UHRF1: variants seen among roughly 807,000 people sequenced by gnomAD.
UHRF1 encodes ubiquitin like with PHD and ring finger domains 1.
A neutral mutation model predicts 96.5 loss-of-function variants in UHRF1; 9 were observed. That is an observed-to-expected ratio of 0.09 (90% confidence interval 0.06 to 0.16). The LOEUF is 0.16. Ranked by LOEUF, UHRF1 falls within the 10% of genes least tolerant of loss-of-function variation. UHRF1 has a pLI of 1.00. For synonymous variants in UHRF1, 455 were observed against 469.9 expected (o/e 0.97, Z 0.41); for missense variants, 626 against 1,131.1 (o/e 0.55, Z 6.40).
chr19:4,922,308 C>T (rs1031981038), intron 2 of UHRF1, among the ~76,000 whole-genome samples: 7 of 151,770 alleles, frequency 4.6e-5, no homozygotes, highest in African/African-American at 1.2e-4. Context: ...CTCTGTTGCC[C>T]GGACTGGAGT....
intron 2 of UHRF1, among the ~76,000 whole-genome samples, chr19:4,924,038 C>G (rs2032787473): frequency 6.6e-6 from 1 of 152,246 alleles, no homozygotes. Context: ...GAGATCCTGG[C>G]TCACTGCAAC....
At chr19:4,907,980 G>A (rs944875890), upstream of UHRF1, among the ~76,000 whole-genome samples, 1 of 151,984 alleles carries the variant, frequency 6.6e-6, no homozygotes, top group Non-Finnish European at 1.5e-5. Context: ...CCAAAGTGCT[G>A]GGATTACAGG....
chr19:4,940,236 A>C (rs2033349028), intron 5 of UHRF1, among the ~76,000 whole-genome samples: 1 of 151,802 alleles, frequency 6.6e-6, no homozygotes, highest in African/African-American at 2.4e-5. Context: ...GCGTGTGTTC[A>C]AGTGCTGTTT....
chr19:4,946,751 T>A (rs2033577949), intron 10 of UHRF1, among the ~76,000 whole-genome samples: 1 of 152,066 alleles, frequency 6.6e-6, no homozygotes, highest in Admixed American at 6.6e-5. Flanking sequence ...ATTTTTGTAT[T>A]TTTTTGTGGT....
chr19:4,937,859 C>T (rs2033264883), intron 5 of UHRF1, among the ~76,000 whole-genome samples: 1 of 152,114 alleles, frequency 6.6e-6, no homozygotes, highest in Non-Finnish European at 1.5e-5. Context: ...AATTCTTTAA[C>T]GAGACCATAG....
chr19:4,947,383 G>C (rs906053293), intron 11 of UHRF1, among the ~76,000 whole-genome samples, 172 bp downstream of exon 11: 1 of 151,628 alleles, frequency 6.6e-6, no homozygotes, highest in African/African-American at 2.4e-5. Flanking sequence ...GATTACAGGC[G>C]TGAGCCACTG....
intron 2 of UHRF1, among the ~76,000 whole-genome samples, chr19:4,919,233 A>G (rs1412293306): frequency 6.6e-6 from 1 of 151,204 alleles, no homozygotes; most frequent in African/African-American, 2.4e-5. Flanking sequence ...GACTCAAGTG[A>G]TCCTCCCGTC....
chr19:4,932,078 G>A lies in UHRF1; in HGVS notation c.570-663G>A, dbSNP rs200517729. ...CGAGTAGCTGGGATTACAGGCATGCGCCACCACGCCTGGCTAATTTTGTAT... is the reference window on the plus strand; with the variant it reads ...CGAGTAGCTGGGATTACAGGCATGCACCACCACGCCTGGCTAATTTTGTAT... On this transcript the variant is annotated intron_variant, in intron 4 of 16. Coordinates refer to ENST00000650932, the MANE Select transcript of UHRF1 (RefSeq NM_001048201.3). Among the ~76,000 whole-genome samples the A allele has an allele frequency of 2.2e-4, 33 of 152,250 alleles. No homozygotes were observed. In the East Asian group the frequency reaches 2.7e-3, roughly 12 times the overall value.
At chr19:4,934,068 G>GGCT (rs2033145390) in intron 5 of UHRF1, among the ~76,000 whole-genome samples, 2 of 150,846 alleles carry the variant, frequency 1.3e-5, no homozygotes, top group Admixed American at 1.3e-4. Flanking sequence ...CTGTCGCCCA[G>GGCT]GCTGGGGTAT....
intron 5 of UHRF1, among the ~76,000 whole-genome samples, chr19:4,935,234 C>T (rs2033180845): frequency 6.6e-6 from 1 of 152,092 alleles, no homozygotes; most frequent in South Asian, 2.1e-4. Context: ...CCTCAAAGTG[C>T]TGGGATTACA....
chr19:4,922,658 C>T (rs566382624), intron 2 of UHRF1, among the ~76,000 whole-genome samples: 3 of 152,340 alleles, frequency 2.0e-5, no homozygotes, highest in East Asian at 1.9e-4. Flanking sequence ...CTTCCTCCTT[C>T]GCGCTTCGGG....
chr19:4,939,500 C>T (rs761322842), intron 5 of UHRF1, among the ~76,000 whole-genome samples: 10 of 152,066 alleles, frequency 6.6e-5, no homozygotes, highest in Admixed American at 3.9e-4. Context: ...CTGCCTTAGC[C>T]TCCTTTTCCT....
At chr19:4,923,596 C>A (rs1407662556) in intron 2 of UHRF1, among the ~76,000 whole-genome samples, 5 of 152,208 alleles carry the variant, frequency 3.3e-5, no homozygotes, top group Non-Finnish European at 7.3e-5. Flanking sequence ...ATCGCTGCTG[C>A]AAACATAGGA....
intron 2 of UHRF1, among the ~76,000 whole-genome samples, chr19:4,914,217 A>C (rs2032403228): frequency 6.6e-6 from 1 of 152,082 alleles, no homozygotes; most frequent in South Asian, 2.1e-4. Context: ...ATGGCTGGGA[A>C]AGTGAGCTGG....
chr19:4,917,954 C>G (rs966414970), intron 2 of UHRF1, among the ~76,000 whole-genome samples: 3 of 151,994 alleles, frequency 2.0e-5, no homozygotes, highest in African/African-American at 7.2e-5. Context: ...AGCTATTGGG[C>G]CTGGCCTAGC....
At chr19:4,916,093 A>T (rs1451996211) in intron 2 of UHRF1, among the ~76,000 whole-genome samples, 1 of 151,914 alleles carries the variant, frequency 6.6e-6, no homozygotes, top group African/African-American at 2.4e-5. Flanking sequence ...GGATCGCTTG[A>T]GGTTGGGAGT....
At chr19:4,915,387 G>T (rs1275949583) in intron 2 of UHRF1, among the ~76,000 whole-genome samples, 1 of 152,160 alleles carries the variant, frequency 6.6e-6, no homozygotes, top group Non-Finnish European at 1.5e-5. Context: ...TAAACCGGTG[G>T]GCGTGGCTTT....
chr19:4,953,250 C>G (rs1203585402), intron 13 of UHRF1, among the ~76,000 whole-genome samples: 1 of 152,286 alleles, frequency 6.6e-6, no homozygotes, highest in Middle Eastern at 3.4e-3. Flanking sequence ...GCGTCCCCCC[C>G]TTACCAGGGG....
intron 2 of UHRF1, among the ~76,000 whole-genome samples, chr19:4,916,265 C>T (rs1024942730): frequency 1.9e-4 from 29 of 151,282 alleles, no homozygotes; most frequent in African/African-American, 6.8e-4. Context: ...AAGATTGTAC[C>T]ACTGCATTCC....
Sources: gnomAD v4.1 joint callset for allele counts (sites outside exome capture counted in the v4.1 genomes callset) on GRCh38, gnomAD v4.1.1 for gene constraint, MANE v1.5 for transcripts, NCBI Gene and HGNC (gene_info 2026-07-23, HGNC 2026-07-21) for gene names.